Variants in CENPP observed in about 807,000 individuals in gnomAD.
CENPP encodes centromere protein P.
CENPP carries 24 observed loss-of-function variants against 35.6 expected under a neutral mutation model. That is an observed-to-expected ratio of 0.67 (90% CI 0.49 to 0.95). CENPP has a LOEUF of 0.95. Among genes scored for constraint, CENPP ranks in the 40% least tolerant of loss-of-function variants. CENPP has a pLI of 0.00. For missense variants in CENPP, 332 were observed against 345.3 expected, an observed-to-expected ratio of 0.96 and a Z score of 0.31; for synonymous variants, 120 against 125.5, an observed-to-expected ratio of 0.96 and a Z score of 0.29.
intron 5 of CENPP, among the ~76,000 whole-genome samples, chr9:92,439,462 C>T (rs1180999921): frequency 1.3e-5 from 2 of 152,154 alleles, no homozygotes; most frequent in Non-Finnish European, 2.9e-5. Context: ...TCCTCCCCAG[C>T]CCCCACTAGC....
At chr9:92,582,444 T>C (rs561081254) in intron 5 of CENPP, among the ~76,000 whole-genome samples, 2 of 152,232 alleles carry the variant, frequency 1.3e-5, no homozygotes, top group African/African-American at 4.8e-5. Context: ...TTGTGGGACA[T>C]CCAGATAGAA....
intron 5 of CENPP, among the ~76,000 whole-genome samples, chr9:92,494,774 A>G (rs556959247): frequency 1.3e-5 from 2 of 152,128 alleles, no homozygotes; most frequent in Non-Finnish European, 2.9e-5. Context: ...GGGAGTGGTG[A>G]CGCATGCCTA....
intron 4 of CENPP, among the ~76,000 whole-genome samples, chr9:92,377,068 C>G (rs925876546): frequency 6.6e-6 from 1 of 151,904 alleles, no homozygotes; most frequent in South Asian, 2.1e-4. Context: ...AAGATGGAGC[C>G]TCCATGTTTA....
At chr9:92,587,672 G>A (rs1850573449) in intron 5 of CENPP, among the ~76,000 whole-genome samples, 1 of 152,190 alleles carries the variant, frequency 6.6e-6, no homozygotes, top group Non-Finnish European at 1.5e-5. Context: ...AATTAGATTG[G>A]TGGGTGGTGG....
rs1379511609 is a variant in CENPP at position 92,379,851 on chromosome 9, C to T, written c.556C>T (p.His186Tyr). ...WFEYRKRTFK[H>Y]LKEKYPDAVY... Reference sequence around the variant, plus strand: ...TGAATATCGTAAGCGCACGTTTAAACATCTCAAGGTAAAGTCTGAAGTCTT... The same window carrying T: ...TGAATATCGTAAGCGCACGTTTAAATATCTCAAGGTAAAGTCTGAAGTCTT... The change falls in exon 5 of 8, where the codon CAT (histidine) becomes TAT (tyrosine). Residue 186 changes from histidine (H) to tyrosine (Y), a missense_variant. Transcript: ENST00000375587. 9 of 1,603,794 alleles carry T rather than the reference C, an allele frequency of 5.6e-6. No individual in the cohort carries two copies. Among genetic ancestry groups the T allele is most frequent in the Middle Eastern group, 3.3e-4 (2 of 6,062 alleles).
intron 5 of CENPP, among the ~76,000 whole-genome samples, chr9:92,381,897 C>CTTTTTTTTTTTTTTTTTTTTTTT (rs79507211): frequency 7.5e-6 from 1 of 133,702 alleles, no homozygotes; most frequent in African/African-American, 2.8e-5. Context: ...TTATTTTCTG[C>CTTTTTTTTTTTTTTTTTTTTTTT]TTTTTTTTTT....
chr9:92,575,490 A>G (rs999347005), intron 5 of CENPP, among the ~76,000 whole-genome samples: 3 of 152,228 alleles, frequency 2.0e-5, no homozygotes, highest in African/African-American at 4.8e-5. Flanking sequence ...ATTAAAATAC[A>G]GTGAGATACC....
intron 5 of CENPP, chr9:92,389,823 A>G: frequency 7.0e-7 from 1 of 1,435,952 alleles, no homozygotes; most frequent in Non-Finnish European, 9.8e-7. Flanking sequence ...CATCACTCAT[A>G]CTATGCTTAG....
chr9:92,552,215 AC>A (rs1554686449), intron 5 of CENPP, among the ~76,000 whole-genome samples: 7 of 146,760 alleles, frequency 4.8e-5, no homozygotes, highest in African/African-American at 1.3e-4. Flanking sequence ...ACACACACAC[AC>A]CCCACAGTTT....
intron 5 of CENPP, chr9:92,470,743 G>C: frequency 3.1e-6 from 5 of 1,596,318 alleles, no homozygotes; most frequent in Non-Finnish European, 4.3e-6. Flanking sequence ...TCAAGCATTC[G>C]AGTATCAAAT....
intron 5 of CENPP, among the ~76,000 whole-genome samples, chr9:92,520,466 G>T (rs998531848): frequency 2.3e-4 from 35 of 152,144 alleles, no homozygotes; most frequent in Admixed American, 2.2e-3. Context: ...AATAACAATT[G>T]TTGGCAGGAA....
intron 5 of CENPP, among the ~76,000 whole-genome samples, chr9:92,513,812 GA>G (rs61348100): frequency 6.6e-6 from 1 of 152,196 alleles, no homozygotes; most frequent in Non-Finnish European, 1.5e-5. Flanking sequence ...GGGAGTGATA[GA>G]ATGTCCTATA....
chr9:92,343,931 C>T (rs1049422845), intron 3 of CENPP, among the ~76,000 whole-genome samples: 5 of 146,356 alleles, frequency 3.4e-5, no homozygotes, highest in Non-Finnish European at 7.4e-5. Flanking sequence ...CGACTGCATT[C>T]CAGCCTGGGC....
chr9:92,396,712 G>C (rs1201583922), intron 5 of CENPP, among the ~76,000 whole-genome samples: 6 of 151,674 alleles, frequency 4.0e-5, no homozygotes, highest in African/African-American at 2.4e-5. Flanking sequence ...CTACAGGTTT[G>C]TGCCACCACA....
chr9:92,380,006 T>A, intron 5 of CENPP, 147 bp downstream of exon 5: 1 of 592,632 alleles, frequency 1.7e-6, no homozygotes. Context: ...TTATTTGGAA[T>A]AACTGGAGGA....
intron 4 of CENPP, among the ~76,000 whole-genome samples, chr9:92,377,229 A>C (rs1842144874): frequency 6.6e-6 from 1 of 152,144 alleles, no homozygotes; most frequent in Non-Finnish European, 1.5e-5. Context: ...TTAAAAGGGA[A>C]GCCTTTCTGA....
intron 5 of CENPP, among the ~76,000 whole-genome samples, chr9:92,508,366 C>T (rs1847134801): frequency 6.6e-6 from 1 of 152,202 alleles, no homozygotes; most frequent in Non-Finnish European, 1.5e-5. Context: ...GCCCGTTCAC[C>T]CTGGCTTCCT....
chr9:92,471,155 T>TAA (rs370528303), intron 5 of CENPP, among the ~76,000 whole-genome samples: 333 of 151,994 alleles, frequency 2.2e-3, no homozygotes, highest in African/African-American at 7.9e-3. Context: ...TTCAGGCTGT[T>TAA]ATAGTGCTAA....
At chr9:92,611,179 T>G (rs554499171) in intron 5 of CENPP, 135 bp from the exon 6 acceptor site, 5 of 705,130 alleles carry the variant, frequency 7.1e-6, no homozygotes, top group Admixed American at 4.4e-5. Context: ...AGAGGGGCGG[T>G]TGGCACCCAT....
Sources: gnomAD v4.1 joint callset for allele counts (sites outside exome capture counted in the v4.1 genomes callset) on GRCh38, gnomAD v4.1.1 for gene constraint, MANE v1.5 for transcripts, NCBI Gene and HGNC (gene_info 2026-07-23, HGNC 2026-07-21) for gene names.